Variants in DPH6 observed in about 807,000 individuals in gnomAD.
The protein encoded by DPH6 is diphthamine biosynthesis 6, also known as diphthine--ammonia ligase.
Under a neutral mutation model 38.2 loss-of-function variants are expected in DPH6, and 33 were observed. The ratio of observed to expected loss-of-function variants is 0.86; its 90% CI spans 0.65 to 1.15. DPH6 has a LOEUF of 1.15. Among genes scored for constraint, DPH6 ranks in the 50% most tolerant of loss-of-function variants. DPH6 has a pLI of 0.00. For synonymous variants in DPH6, 108 were observed against 103.0 expected (o/e 1.05, Z -0.30); for missense variants, 325 against 320.0 (o/e 1.02, Z -0.12).
intron 3 of DPH6, among the ~76,000 whole-genome samples, chr15:35,251,241 G>A (rs775528326): frequency 6.6e-6 from 1 of 152,032 alleles, no homozygotes; most frequent in Non-Finnish European, 1.5e-5. Flanking sequence ...GGATACAAGT[G>A]CAGGTTTGTT....
intron 3 of DPH6, among the ~76,000 whole-genome samples, chr15:35,275,129 A>G (rs1161902541): frequency 1.3e-5 from 2 of 151,870 alleles, no homozygotes; most frequent in African/African-American, 4.8e-5. Context: ...GTTGGCCAGG[A>G]TGGTCTCGAA....
intron 3 of DPH6, among the ~76,000 whole-genome samples, chr15:35,242,054 C>T (rs911199947): frequency 6.9e-6 from 1 of 144,268 alleles, no homozygotes; most frequent in African/African-American, 2.5e-5. Context: ...CCTTTGCACC[C>T]GTCATCCCAG....
At chr15:35,276,913 CTCT>C (rs1186799106) in intron 3 of DPH6, among the ~76,000 whole-genome samples, 1 of 151,940 alleles carries the variant, frequency 6.6e-6, no homozygotes, top group Non-Finnish European at 1.5e-5. Flanking sequence ...GATATGTGGG[CTCT>C]TTTTTGGTTC....
chr15:35,364,483 A>G (rs988266566), intron 3 of DPH6, among the ~76,000 whole-genome samples: 2 of 152,088 alleles, frequency 1.3e-5, no homozygotes, highest in East Asian at 1.9e-4. Flanking sequence ...CCACAACTGA[A>G]CTATTAAATA....
chr15:35,177,737 C>T, the DPH6 span, among the ~76,000 whole-genome samples: 1 of 151,732 alleles, frequency 6.6e-6, no homozygotes, highest in Non-Finnish European at 1.5e-5. Flanking sequence ...GTCAGGAGTT[C>T]GAGACCAGCT....
chr15:35,256,422 C>G (rs181801355), intron 3 of DPH6, among the ~76,000 whole-genome samples: 5 of 152,118 alleles, frequency 3.3e-5, no homozygotes, highest in African/African-American at 4.8e-5. Flanking sequence ...CATGGTTAAA[C>G]CACAGTTATG....
chr15:35,519,329 C>T (rs575195958), intron 3 of DPH6: 4 of 151,840 alleles, frequency 2.6e-5, no homozygotes, highest in Non-Finnish European at 5.9e-5. Flanking sequence ...TTTAGGCAGC[C>T]CACTCAGATT....
intron 3 of DPH6, among the ~76,000 whole-genome samples, chr15:35,227,953 CT>C (rs1225992992): frequency 1.3e-5 from 2 of 151,914 alleles, no homozygotes; most frequent in Non-Finnish European, 2.9e-5. Context: ...TCATTATTGA[CT>C]TCTAGTTTTA....
At chr15:35,500,442 C>A (rs1385755247) in intron 3 of DPH6, among the ~76,000 whole-genome samples, 1 of 152,150 alleles carries the variant, frequency 6.6e-6, no homozygotes, top group African/African-American at 2.4e-5. Context: ...GCCTGGTGAT[C>A]AAGGAGAATG....
intron 3 of DPH6, chr15:35,520,872 C>T (rs953062598): frequency 3.0e-6 from 3 of 984,852 alleles, no homozygotes; most frequent in Non-Finnish European, 3.6e-6. Context: ...ATAAAGGAAC[C>T]CAAATTCCCT....
At chr15:35,146,674 T>C in the DPH6 span, among the ~76,000 whole-genome samples, 1 of 152,190 alleles carries the variant, frequency 6.6e-6, no homozygotes, top group African/African-American at 2.4e-5. Context: ...GTAGCAGTAA[T>C]GGTACTACTA....
At position 35,487,265 on chromosome 15, in the gene DPH6, G is replaced by T. The variant is rs1217221233; in HGVS notation, c.313-32445C>A. ...GCTCCACTAGGCAGTGCCCCAGTGG[G>T]AACTCTGGGTGGGGGTTTCAACCCC... On this transcript the variant is annotated intron_variant, in intron 3 of 8. Transcript: ENST00000256538. 5.3e-5 allele frequency among the ~76,000 whole-genome samples: 8 copies of T among 152,334 alleles called. No homozygotes were observed. The East Asian group carries it at 1.4e-3, about 26-fold the overall frequency.
chr15:35,483,690 A>AT (rs2054359101), intron 3 of DPH6, among the ~76,000 whole-genome samples: 1 of 152,214 alleles, frequency 6.6e-6, no homozygotes, highest in Non-Finnish European at 1.5e-5. Flanking sequence ...TTCATTTCTG[A>AT]TATCTACTCA....
chr15:35,174,252 T>C, the DPH6 span, among the ~76,000 whole-genome samples: 1 of 149,892 alleles, frequency 6.7e-6, no homozygotes, highest in African/African-American at 2.5e-5. Flanking sequence ...TAATTTTTTT[T>C]GAAGCCACGG....
the DPH6 span, among the ~76,000 whole-genome samples, chr15:35,184,544 T>C: frequency 1.4e-5 from 2 of 145,970 alleles, no homozygotes; most frequent in Non-Finnish European, 3.0e-5. Flanking sequence ...GACGTTGACC[T>C]AAAAAAAAAA....
At chr15:35,425,188 A>G (rs1274527519) in intron 5 of DPH6, among the ~76,000 whole-genome samples, 1 of 151,558 alleles carries the variant, frequency 6.6e-6, no homozygotes, top group Non-Finnish European at 1.5e-5. Context: ...GCTCTCAGCT[A>G]AGATAGTATG....
intron 3 of DPH6, among the ~76,000 whole-genome samples, chr15:35,227,174 CTTTT>C (rs71415001): frequency 1.4e-4 from 11 of 77,074 alleles, no homozygotes; most frequent in Non-Finnish European, 2.1e-4. Flanking sequence ...ATAACATCTT[CTTTT>C]TTTTTTTTTT....
intron 3 of DPH6, among the ~76,000 whole-genome samples, chr15:35,498,059 A>G (rs2054579776): frequency 6.6e-6 from 1 of 152,176 alleles, no homozygotes; most frequent in Non-Finnish European, 1.5e-5. Flanking sequence ...CAATAGGTTG[A>G]GCAGACTATT....
chr15:35,191,038 C>A, the DPH6 span, among the ~76,000 whole-genome samples: 2 of 152,112 alleles, frequency 1.3e-5, no homozygotes, highest in South Asian at 4.1e-4. Context: ...AATTGCCATA[C>A]CTTTAGGGTA....
Sources: allele counts gnomAD v4.1 joint callset (sites outside exome capture counted in the v4.1 genomes callset), GRCh38; gene constraint gnomAD v4.1.1; transcripts MANE v1.5; gene names NCBI Gene and HGNC (gene_info 2026-07-23, HGNC 2026-07-21).